ADCY2: variants seen among roughly 807,000 people sequenced by gnomAD.
ADCY2 encodes adenylate cyclase type 2.
ADCY2 carries 31 observed loss-of-function variants against 125.2 expected under a neutral mutation model. The ratio of observed to expected loss-of-function variants is 0.25; its 90% CI spans 0.19 to 0.33. The LOEUF (loss-of-function observed/expected upper bound fraction) is 0.33, where lower values mean the gene tolerates loss of function less well. ADCY2 is among the 10% of genes least tolerant of loss of function. The pLI, the probability that ADCY2 is intolerant of heterozygous loss-of-function variation, is 1.00. For synonymous variants in ADCY2, 512 were observed against 548.4 expected, an observed-to-expected ratio of 0.93 and a Z score of 0.93; for missense variants, 904 against 1,418.2, an observed-to-expected ratio of 0.64 and a Z score of 5.82.
At chr5:7,407,106 G>A (rs1199274498) in intron 1 of ADCY2, among the ~76,000 whole-genome samples, 4 of 152,196 alleles carry the variant, frequency 2.6e-5, no homozygotes, top group Non-Finnish European at 4.4e-5. Flanking sequence ...AGTGGTGGAC[G>A]TCGCAGATTG....
rs530931392 is a variant in ADCY2, at chr5:7,437,664, C to T, written c.408+22894C>T. Among the ~76,000 whole-genome samples, 20 of 152,312 alleles carry T rather than the reference C, an allele frequency of 1.3e-4. No homozygotes were observed. In the South Asian group the frequency reaches 4.1e-3, roughly 32 times the overall value. Reference sequence around the variant, plus strand: ...TGATTGCAATGAGTCTTCCAGTGTCCCAGAGTATCTTTTCCTGAACTCTGA... The same window carrying T: ...TGATTGCAATGAGTCTTCCAGTGTCTCAGAGTATCTTTTCCTGAACTCTGA... On this transcript the variant is annotated intron_variant, in intron 2 of 24. Coordinates refer to ENST00000338316, the MANE Select transcript of ADCY2 (RefSeq NM_020546.3).
intron 2 of ADCY2, among the ~76,000 whole-genome samples, chr5:7,471,833 C>T (rs1288839985): frequency 2.6e-5 from 4 of 151,870 alleles, no homozygotes; most frequent in African/African-American, 9.7e-5. Flanking sequence ...TTTTTCTCTT[C>T]AATATTTTAA....
At chr5:7,408,643 C>G (rs1285574015) in intron 1 of ADCY2, among the ~76,000 whole-genome samples, 1 of 150,148 alleles carries the variant, frequency 6.7e-6, no homozygotes, top group African/African-American at 2.5e-5. Flanking sequence ...GCTGGGATTA[C>G]AGGCGTGAGC....
intron 3 of ADCY2, among the ~76,000 whole-genome samples, chr5:7,594,940 T>A (rs1736961761): frequency 6.6e-6 from 1 of 152,134 alleles, no homozygotes; most frequent in African/African-American, 2.4e-5. Flanking sequence ...AAGGACAGAG[T>A]CCAGAGCCTG....
chr5:7,667,619 G>A (rs959960606), intron 4 of ADCY2, among the ~76,000 whole-genome samples: 6 of 152,058 alleles, frequency 3.9e-5, no homozygotes, highest in Admixed American at 6.6e-5. Context: ...CACTGATGTG[G>A]GTAGCACAAT....
At chr5:7,811,633 C>T (rs1038820864) in intron 22 of ADCY2, among the ~76,000 whole-genome samples, 4 of 151,854 alleles carry the variant, frequency 2.6e-5, no homozygotes, top group African/African-American at 9.7e-5. Flanking sequence ...TAAACAAATC[C>T]AATGGCAGGC....
chr5:7,803,635 G>A (rs908934613), intron 21 of ADCY2, among the ~76,000 whole-genome samples: 1 of 152,168 alleles, frequency 6.6e-6, no homozygotes, highest in African/African-American at 2.4e-5. Context: ...GTGGTGGCTT[G>A]TGCCTGTCAT....
chr5:7,456,095 A>T (rs1741658687), intron 2 of ADCY2, among the ~76,000 whole-genome samples: 2 of 151,968 alleles, frequency 1.3e-5, no homozygotes, highest in Middle Eastern at 3.4e-3. Flanking sequence ...ATATAAAAAT[A>T]GTGGTTGCTT....
intron 2 of ADCY2, among the ~76,000 whole-genome samples, chr5:7,448,091 C>T (rs1249857888): frequency 6.6e-6 from 1 of 152,154 alleles, no homozygotes. Flanking sequence ...GTGTGCAAAC[C>T]CTGTGTGCTG....
At chr5:7,645,038 T>C (rs1395365988) in intron 4 of ADCY2, among the ~76,000 whole-genome samples, 1 of 152,176 alleles carries the variant, frequency 6.6e-6, no homozygotes, top group Non-Finnish European at 1.5e-5. Flanking sequence ...TCATGCTCTT[T>C]GGTTGTGAAT....
chr5:7,518,363 T>A (rs1579528247), intron 2 of ADCY2, among the ~76,000 whole-genome samples: 1 of 152,184 alleles, frequency 6.6e-6, no homozygotes, highest in Non-Finnish European at 1.5e-5. Context: ...TCCAAAGGCA[T>A]GCCTGATATG....
chr5:7,397,393 C>T (rs377182648), intron 1 of ADCY2, among the ~76,000 whole-genome samples: 1 of 146,850 alleles, frequency 6.8e-6, no homozygotes, highest in Non-Finnish European at 1.5e-5. Context: ...TTTGCACTGC[C>T]TGTGACATGC....
At chr5:7,822,259 T>C (rs1053745912) in intron 24 of ADCY2, among the ~76,000 whole-genome samples, 2 of 152,230 alleles carry the variant, frequency 1.3e-5, no homozygotes, top group African/African-American at 4.8e-5. Context: ...TGTATCATGG[T>C]TTGGAAATTT....
intron 4 of ADCY2, among the ~76,000 whole-genome samples, chr5:7,643,710 T>C (rs563028209): frequency 6.6e-6 from 1 of 152,160 alleles, no homozygotes; most frequent in South Asian, 2.1e-4. Context: ...ATAAATATAG[T>C]CCATTTTTAT....
intron 14 of ADCY2, among the ~76,000 whole-genome samples, chr5:7,741,549 C>T (rs1742405287): frequency 6.9e-6 from 1 of 144,222 alleles, no homozygotes; most frequent in Admixed American, 7.2e-5. Context: ...CCATTATCCC[C>T]ATCACCATCC....
In ADCY2 at chr5:7,819,942, T is replaced by C. The variant is rs1005393142; in HGVS notation, c.2999-623T>C. 4.6e-5 allele frequency among the ~76,000 whole-genome samples: 7 copies of C among 152,250 alleles called. No homozygotes were observed. The South Asian group carries it at 1.4e-3, about 32-fold the overall frequency. On this transcript the variant is annotated intron_variant, in intron 23 of 24. Coordinates refer to ENST00000338316, the MANE Select transcript of ADCY2 (RefSeq NM_020546.3). ...CCCAGAGCTGCTGACCAAGCAGGGA[T>C]GAGCAGTGGCCAGAAGAAAAGCTGA... is the stretch of plus-strand genomic sequence containing the variant.
intron 4 of ADCY2, among the ~76,000 whole-genome samples, chr5:7,661,294 A>G (rs1044302666): frequency 1.3e-5 from 2 of 152,200 alleles, no homozygotes; most frequent in African/African-American, 4.8e-5. Context: ...ATTTTAAAAG[A>G]TCTACTTTTT....
At chr5:7,558,324 A>T (rs1735601322) in intron 3 of ADCY2, among the ~76,000 whole-genome samples, 1 of 152,110 alleles carries the variant, frequency 6.6e-6, no homozygotes, top group Non-Finnish European at 1.5e-5. Flanking sequence ...AAGTGCTGGG[A>T]TTACAGGCAC....
chr5:7,698,837 G>T (rs541843306), intron 7 of ADCY2, among the ~76,000 whole-genome samples: 3 of 152,248 alleles, frequency 2.0e-5, no homozygotes, highest in African/African-American at 7.2e-5. Context: ...GAACAGTCCT[G>T]CAATAAACAT....
Sources: allele counts gnomAD v4.1 joint callset (sites outside exome capture counted in the v4.1 genomes callset), GRCh38; gene constraint gnomAD v4.1.1; transcripts MANE v1.5; gene names NCBI Gene and HGNC (gene_info 2026-07-23, HGNC 2026-07-21).